PFKFB3: variants seen among roughly 807,000 people sequenced by gnomAD.
PFKFB3 encodes 6-phosphofructo-2-kinase/fructose-2,6-bisphosphatase 3.
A neutral mutation model predicts 68.0 loss-of-function variants in PFKFB3; 33 were observed. That is an observed-to-expected ratio of 0.49 (90% CI 0.37 to 0.65). The LOEUF (loss-of-function observed/expected upper bound fraction) is 0.65, where lower values mean the gene tolerates loss of function less well. Among genes scored for constraint, PFKFB3 ranks in the 30% least tolerant of loss-of-function variants. The pLI is 0.00. For missense variants in PFKFB3, 586 were observed against 712.2 expected, an observed-to-expected ratio of 0.82 and a Z score of 2.02; for synonymous variants, 315 against 288.2, an observed-to-expected ratio of 1.09 and a Z score of -0.94.
chr10:6,283,879 G>A, the PFKFB3 span, among the ~76,000 whole-genome samples: 1 of 152,132 alleles, frequency 6.6e-6, no homozygotes, highest in Non-Finnish European at 1.5e-5. Context: ...CCCATGGCAG[G>A]ATTCAGTCAG....
intron 1 of PFKFB3, among the ~76,000 whole-genome samples, chr10:6,151,638 C>T (rs538153594): frequency 2.0e-5 from 3 of 152,260 alleles, no homozygotes; most frequent in Non-Finnish European, 2.9e-5. Context: ...CTGCTGAAGT[C>T]GTCCCAGAGG....
chr10:6,183,648 A>AT (rs1842785477), intron 1 of PFKFB3, among the ~76,000 whole-genome samples: 2 of 148,862 alleles, frequency 1.3e-5, no homozygotes, highest in Admixed American at 6.7e-5. Flanking sequence ...TAAATAATAT[A>AT]TAAATAATTA....
chr10:6,293,464 G>A, the PFKFB3 span: 1 of 213,686 alleles, frequency 4.7e-6, no homozygotes, highest in Non-Finnish European at 9.4e-6. Flanking sequence ...TCCTGCCTCA[G>A]CCTCCTGAGT....
At chr10:6,207,702 TG>T (rs1324606738) in intron 1 of PFKFB3, among the ~76,000 whole-genome samples, 1 of 152,260 alleles carries the variant, frequency 6.6e-6, no homozygotes, top group African/African-American at 2.4e-5. Context: ...ATTATATTCT[TG>T]CCTTGGAGGC....
At chr10:6,230,086 G>A (rs1215725421) in intron 14 of PFKFB3, among the ~76,000 whole-genome samples, 1 of 152,152 alleles carries the variant, frequency 6.6e-6, no homozygotes, top group Non-Finnish European at 1.5e-5. Flanking sequence ...GCCATTCGGG[G>A]ATAGTCCCCC....
intron 1 of PFKFB3, among the ~76,000 whole-genome samples, chr10:6,188,499 T>G (rs998491757): frequency 6.6e-6 from 1 of 151,982 alleles, no homozygotes; most frequent in African/African-American, 2.4e-5. Flanking sequence ...GATAAAAATG[T>G]GTGACACAAA....
rs1410632133 is a variant in PFKFB3 at position 6,189,067 on chromosome 10, C to T, written c.17-24556C>T. Among the ~76,000 whole-genome samples the T allele has an allele frequency of 2.0e-5, 3 of 152,130 alleles. No homozygotes were observed. The East Asian group carries it at 5.8e-4, about 29-fold the overall frequency. On this transcript the variant is annotated intron_variant, in intron 1 of 14. Coordinates refer to the PFKFB3 transcript ENST00000379789. ...TGTTAGCCAGGATGGTCTCGATCTC[C>T]TGACCTCGTGATCCGCCCGCCTTGG...
At position 6,205,485 on chromosome 10, in the gene PFKFB3, G is replaced by A. The variant is rs187839189; in HGVS notation, c.76+2149G>A. ...TCGGCTCACTGCAACTTCTGCCTCC[G>A]GGTTTCAAGCGATTCTCGTGCCTCA... On this transcript the variant is annotated intron_variant, in intron 1 of 14. Transcript: ENST00000379775. Among the ~76,000 whole-genome samples the A allele has an allele frequency of 1.6e-4, 23 of 140,724 alleles. 1 individual carries two copies. The highest frequency in any genetic ancestry group is 1.2e-3 in the Admixed American group (15 of 12,410). The allele number at this position is 140,724 out of a possible 152,430, so 92.3% of individuals were successfully genotyped here.
At chr10:6,177,408 C>CCT (rs1842523169) in intron 1 of PFKFB3, among the ~76,000 whole-genome samples, 1 of 52,544 alleles carries the variant, frequency 1.9e-5, no homozygotes, top group East Asian at 4.6e-4. Flanking sequence ...TTCTTTCTTT[C>CCT]TTCTTTCTCT....
chr10:6,320,298 C>T, the PFKFB3 span, among the ~76,000 whole-genome samples: 1 of 152,160 alleles, frequency 6.6e-6, no homozygotes, highest in Non-Finnish European at 1.5e-5. Context: ...TCTCAGGAAT[C>T]TCAAAGTCAT....
chr10:6,235,540 A>G (rs1845984697), downstream of PFKFB3: 1 of 152,334 alleles, frequency 6.6e-6, no homozygotes, highest in Non-Finnish European at 1.5e-5. Context: ...ACATGGACGA[A>G]GTAAACCTCT....
At chr10:6,170,830 GA>G (rs994913306) in intron 1 of PFKFB3, among the ~76,000 whole-genome samples, 1 of 151,878 alleles carries the variant, frequency 6.6e-6, no homozygotes, top group African/African-American at 2.4e-5. Flanking sequence ...AGTGCTTTCA[GA>G]AAAGCCCAAG....
At chr10:6,160,642 C>T (rs1040843079) in intron 1 of PFKFB3, among the ~76,000 whole-genome samples, 31 of 136,756 alleles carry the variant, frequency 2.3e-4, no homozygotes, top group Non-Finnish European at 4.1e-4. Context: ...TGCTTGAACC[C>T]GGGAGGTGGA....
chr10:6,184,723 C>T (rs1015940770), intron 1 of PFKFB3, among the ~76,000 whole-genome samples: 1 of 150,708 alleles, frequency 6.6e-6, no homozygotes, highest in Non-Finnish European at 1.5e-5. Context: ...CCACCTGCCT[C>T]GGCCTCCCAA....
rs1844501894 is a variant in PFKFB3 at position 6,215,368 on chromosome 10, C to CGCGGGCATAAGGCTGGGCT, written c.299+54_299+72dup. On this transcript the variant is annotated intron_variant, in intron 3 of 14. Coordinates refer to ENST00000379775, the MANE Select transcript of PFKFB3 (RefSeq NM_004566.4). This position sits in a 1 kb window ranked among gnomAD's most constrained non-coding sequence, Gnocchi z 4.3. ...CTGGGCTGTGGGAATAAGGCTGGGC[C>CGCGGGCATAAGGCTGGGCT]GCGGGCATAAGGCTGGGCTGCAGGA... is the stretch of plus-strand genomic sequence containing the variant. 1.3e-5 allele frequency: 18 copies of CGCGGGCATAAGGCTGGGCT among 1,390,762 alleles called. No homozygotes were observed. Among genetic ancestry groups the CGCGGGCATAAGGCTGGGCT allele is most frequent in the Non-Finnish European group, 1.8e-5 (18 of 987,222 alleles). The allele number at this position is 1,390,762 out of a possible 1,614,324, so 86.2% of individuals were successfully genotyped here. A position where few individuals can be genotyped will look rare whatever the true frequency, so the allele number is the denominator to read the frequency against.
At chr10:6,292,845 A>G in the PFKFB3 span, among the ~76,000 whole-genome samples, 1 of 152,204 alleles carries the variant, frequency 6.6e-6, no homozygotes, top group Non-Finnish European at 1.5e-5. Flanking sequence ...CGGAAAAGCA[A>G]CTATTCCAGG....
the PFKFB3 span, chr10:6,277,641 C>T: frequency 3.7e-6 from 1 of 267,016 alleles, no homozygotes; most frequent in Non-Finnish European, 7.8e-6. Context: ...CTCCCTCCTG[C>T]TCTGGCCATG....
intron 1 of PFKFB3, among the ~76,000 whole-genome samples, chr10:6,207,610 G>A (rs1474744897): frequency 3.9e-5 from 6 of 152,190 alleles, no homozygotes; most frequent in South Asian, 4.1e-4. Context: ...GTTTATTGCT[G>A]AAGAGGGTGT....
chr10:6,197,135 C>A (rs1287337527), intron 1 of PFKFB3, among the ~76,000 whole-genome samples: 1 of 152,036 alleles, frequency 6.6e-6, no homozygotes, highest in Non-Finnish European at 1.5e-5. Flanking sequence ...TAGGTCCCCG[C>A]CACCATGCCC....
Sources: gnomAD v4.1 joint callset for allele counts (sites outside exome capture counted in the v4.1 genomes callset) on GRCh38, gnomAD v4.1.1 for gene constraint, Gnocchi (gnomAD v3.1) non-coding constraint, MANE v1.5 for transcripts, NCBI Gene and HGNC (gene_info 2026-07-23, HGNC 2026-07-21) for gene names.